Variants in SMAD2 observed in about 807,000 individuals in gnomAD.
The protein encoded by SMAD2 is MAD homolog 2.
A neutral mutation model predicts 64.4 loss-of-function variants in SMAD2; 8 were observed. The ratio of observed to expected loss-of-function variants is 0.12; its 90% CI spans 0.07 to 0.22. The LOEUF is 0.22. SMAD2 is among the 10% of genes least tolerant of loss of function. SMAD2 has a pLI of 1.00. For missense variants in SMAD2, 289 were observed against 561.2 expected (o/e 0.51, Z 4.90); for synonymous variants, 203 against 195.8 (o/e 1.04, Z -0.31).
At position 47,841,787 on chromosome 18, in the gene SMAD2, GTTACA is replaced by G; in HGVS notation, c.*35_*39del. 1 of 1,612,790 alleles carries G rather than the reference GTTACA, an allele frequency of 6.2e-7. No homozygotes were observed. Among genetic ancestry groups the G allele is most frequent in the Non-Finnish European group, 8.5e-7 (1 of 1,178,896 alleles). Reference sequence around the variant, plus strand: ...CACACAATGCTATGACAGAAGAGTTGTTACATTAAGTCTTTTCATGGGACTTGATT... The same window carrying G: ...CACACAATGCTATGACAGAAGAGTTGTTAAGTCTTTTCATGGGACTTGATT... On this transcript the variant is annotated 3_prime_UTR_variant, in exon 11 of 11. Transcript: ENST00000262160.
intron 2 of SMAD2, among the ~76,000 whole-genome samples, chr18:47,883,558 C>T (rs575691048): frequency 6.6e-6 from 1 of 152,180 alleles, no homozygotes; most frequent in African/African-American, 2.4e-5. Context: ...TTTTTTTGTT[C>T]TAATTGAACT....
intron 7 of SMAD2, among the ~76,000 whole-genome samples, chr18:47,849,862 G>C (rs1443242002): frequency 6.6e-6 from 1 of 151,582 alleles, no homozygotes; most frequent in Non-Finnish European, 1.5e-5. Flanking sequence ...ACAAAAATTA[G>C]CTGGGTGTGG....
At chr18:47,929,905 A>G (rs2034929318) in intron 1 of SMAD2, among the ~76,000 whole-genome samples, 1 of 152,106 alleles carries the variant, frequency 6.6e-6, no homozygotes, top group African/African-American at 2.4e-5. Flanking sequence ...ATGATCACAG[A>G]GTTATCAGCT....
chr18:47,927,831 G>C (rs759885812), intron 1 of SMAD2, among the ~76,000 whole-genome samples: 1 of 152,156 alleles, frequency 6.6e-6, no homozygotes, highest in Non-Finnish European at 1.5e-5. Context: ...CCCAGGAGGC[G>C]GAGGTTGCGG....
Position 47,841,893 on chromosome 18 carries a change from T to C in SMAD2, c.1338A>G (p.Leu446=), listed in dbSNP as rs372909659. Residue 446 remains leucine (L), a synonymous_variant, in exon 11 of 11, where the codon CTA becomes CTG. Transcript: ENST00000262160. ...GAGTTAATACTTTGTCCAACCACTG[T>C]AGAGGTCCATTCAGATGAAGTTCAA... ...CWIELHLNGP[L]QWLDKVLTQM... The C allele has an allele frequency of 1.3e-5, 21 of 1,613,892 alleles. No homozygotes were observed. The highest frequency in any genetic ancestry group is 4.4e-5 in the South Asian group (4 of 91,078).
At chr18:47,843,514 C>T (rs1332450648) in intron 10 of SMAD2, among the ~76,000 whole-genome samples, 1 of 152,140 alleles carries the variant, frequency 6.6e-6, no homozygotes, top group South Asian at 2.1e-4. Flanking sequence ...TACTACATTT[C>T]CTCATTTTTG....
intron 5 of SMAD2, 107 bp from the exon 6 acceptor site, chr18:47,865,240 T>C: frequency 1.5e-6 from 1 of 674,330 alleles, no homozygotes; most frequent in South Asian, 1.7e-5. Context: ...CAAATAATAA[T>C]GTTATATAAT....
At chr18:47,907,136 G>C (rs563427628) in intron 1 of SMAD2, among the ~76,000 whole-genome samples, 1 of 152,002 alleles carries the variant, frequency 6.6e-6, no homozygotes, top group East Asian at 1.9e-4. Flanking sequence ...TTGGAAAACC[G>C]GCAAGTTCCA....
At chr18:47,874,056 T>C (rs1027920083) in intron 2 of SMAD2, among the ~76,000 whole-genome samples, 2 of 152,180 alleles carry the variant, frequency 1.3e-5, no homozygotes, top group African/African-American at 2.4e-5. Context: ...GCTAAGTATA[T>C]AGAGATACAG....
chr18:47,846,073 T>C (rs2144292135), intron 8 of SMAD2, among the ~76,000 whole-genome samples: 1 of 152,262 alleles, frequency 6.6e-6, no homozygotes. Context: ...AATAGTTTCA[T>C]ACAAATGATA....
chr18:47,829,596 C>T lies in SMAD2; in HGVS notation c.*12231G>A, dbSNP rs1291121786. Reference sequence around the variant, plus strand: ...ATCAATTAGGTATTCTAAAAGAAGGCAGTTTTCTAGGGGTTTATTTAATTA... The same window carrying T: ...ATCAATTAGGTATTCTAAAAGAAGGTAGTTTTCTAGGGGTTTATTTAATTA... On this transcript the variant is annotated 3_prime_UTR_variant, in exon 11 of 11. Coordinates refer to ENST00000262160, the MANE Select transcript of SMAD2 (RefSeq NM_005901.6). 1.4e-5 allele frequency: 2 copies of T among 142,196 alleles called. No homozygotes were observed. The highest frequency in any genetic ancestry group is 4.8e-4 in the South Asian group (2 of 4,142). The allele number at this position is 142,196 out of a possible 1,614,324, so 8.8% of individuals were successfully genotyped here.
chr18:47,868,493 G>C (rs1224772188), intron 4 of SMAD2, 36 bp from the exon 5 acceptor site: 2 of 1,588,560 alleles, frequency 1.3e-6, no homozygotes, highest in African/African-American at 2.7e-5. Flanking sequence ...TAATGGCAAA[G>C]AGCAAAGGGG....
At chr18:47,874,586 A>C (rs2032150733) in intron 2 of SMAD2, among the ~76,000 whole-genome samples, 1 of 152,166 alleles carries the variant, frequency 6.6e-6, no homozygotes, top group Non-Finnish European at 1.5e-5. Flanking sequence ...TAAAAACCAA[A>C]ACAGAAAAAG....
intron 1 of SMAD2, among the ~76,000 whole-genome samples, chr18:47,906,848 C>T (rs2033925127): frequency 6.6e-6 from 1 of 152,080 alleles, no homozygotes; most frequent in African/African-American, 2.4e-5. Context: ...GTCACACTGC[C>T]TTCTCTTCTG....
chr18:47,923,965 T>C (rs1384604747), intron 1 of SMAD2, among the ~76,000 whole-genome samples: 1 of 152,172 alleles, frequency 6.6e-6, no homozygotes. Flanking sequence ...TTAAGAATTT[T>C]AGGCCGGGCG....
chr18:47,919,831 T>C (rs755118945), intron 1 of SMAD2, among the ~76,000 whole-genome samples: 2 of 152,322 alleles, frequency 1.3e-5, no homozygotes, highest in African/African-American at 2.4e-5. Flanking sequence ...TTCCAAAGAT[T>C]ACAACGCAAA....
Position 47,820,815 on chromosome 18 carries a change from T to C in SMAD2, c.*21012A>G, listed in dbSNP as rs1402138218. 1 of 152,094 alleles carries C rather than the reference T, an allele frequency of 6.6e-6. No individual in the cohort carries two copies. 9.4% of individuals were successfully genotyped at this position (152,094 alleles called of 1,614,324 possible). On this transcript the variant is annotated 3_prime_UTR_variant, in exon 11 of 11. Transcript: ENST00000262160. ...TTACATATATACTTGTACATATGTA[T>C]ATGTACAATAATACAGTATATTCTA...
At position 47,896,501 on chromosome 18, in the gene SMAD2, T is replaced by C; in HGVS notation, c.236+20A>G. On this transcript the variant is annotated intron_variant, in intron 2 of 10. Coordinates refer to ENST00000262160, the MANE Select transcript of SMAD2 (RefSeq NM_005901.6). The stretch of plus-strand genomic sequence containing the variant: ...TTCCTTGACATAATTTGATCAAACC[T>C]GGGATCTAACAAAACTTACCTTGGT... 1 of 1,613,100 alleles carries C rather than the reference T, an allele frequency of 6.2e-7. No homozygotes were observed. The highest frequency in any genetic ancestry group is 8.5e-7 in the Non-Finnish European group (1 of 1,179,062).
At chr18:47,927,617 C>T (rs1351109762) in intron 1 of SMAD2, among the ~76,000 whole-genome samples, 1 of 152,156 alleles carries the variant, frequency 6.6e-6, no homozygotes, top group Non-Finnish European at 1.5e-5. Context: ...ATAAATGCAT[C>T]GGCCAGGCGC....
Sources: gnomAD v4.1 joint callset for allele counts (sites outside exome capture counted in the v4.1 genomes callset) on GRCh38, gnomAD v4.1.1 for gene constraint, MANE v1.5 for transcripts, NCBI Gene and HGNC (gene_info 2026-07-23, HGNC 2026-07-21) for gene names.